LUZP1: variants seen among roughly 807,000 people sequenced by gnomAD.
LUZP1 encodes the protein leucine zipper protein 1.
In LUZP1, 25 loss-of-function variants were observed where a neutral mutation model predicts 71.3. The observed-to-expected ratio is 0.35, with a 90% CI of 0.26 to 0.49. The LOEUF (loss-of-function observed/expected upper bound fraction) is 0.49, where lower values mean the gene tolerates loss of function less well. Among genes scored for constraint, LUZP1 ranks in the 20% least tolerant of loss-of-function variants. The pLI is 0.99. For missense variants in LUZP1, 1,142 were observed against 1,300.8 expected (o/e 0.88, Z 1.88); for synonymous variants, 481 against 506.4 (o/e 0.95, Z 0.67).
At chr1:23,133,918 A>G (rs754957991) in intron 2 of LUZP1, among the ~76,000 whole-genome samples, 1 of 152,332 alleles carries the variant, frequency 6.6e-6, no homozygotes, top group East Asian at 1.9e-4. Flanking sequence ...CAAGAAAACA[A>G]TCAGACAAAT....
intron 2 of LUZP1, among the ~76,000 whole-genome samples, chr1:23,149,960 C>CAAAAA (rs66680455): frequency 4.4e-4 from 33 of 75,756 alleles, no homozygotes; most frequent in East Asian, 7.8e-4. Context: ...GACTCCGTCT[C>CAAAAA]AAAAAAAAAA....
At chr1:23,119,577 C>T (rs1302712936) in intron 2 of LUZP1, among the ~76,000 whole-genome samples, 1 of 152,052 alleles carries the variant, frequency 6.6e-6, no homozygotes, top group Non-Finnish European at 1.5e-5. Flanking sequence ...AGAATAAGCC[C>T]TTCTGAAAAA....
At chr1:23,150,670 A>AAGAAG (rs1644376653) in intron 2 of LUZP1, among the ~76,000 whole-genome samples, 1 of 152,170 alleles carries the variant, frequency 6.6e-6, no homozygotes, top group African/African-American at 2.4e-5. Flanking sequence ...AGTGAAGATG[A>AAGAAG]AGAAGAGTAA....
At chr1:23,142,163 T>A (rs1644308222) in intron 2 of LUZP1, among the ~76,000 whole-genome samples, 1 of 151,890 alleles carries the variant, frequency 6.6e-6, no homozygotes. Flanking sequence ...AGCTAATTTT[T>A]AAAAATACTT....
intron 2 of LUZP1, among the ~76,000 whole-genome samples, chr1:23,144,872 T>C (rs575630872): frequency 3.6e-4 from 55 of 152,100 alleles, no homozygotes; most frequent in Non-Finnish European, 6.8e-4. Flanking sequence ...TCTTTTCATT[T>C]TGGTGGGGGT....
Position 23,162,149 on chromosome 1 carries a change from A to G in LUZP1, c.-226+6617T>C, listed in dbSNP as rs1644472180. Reference sequence around the variant, plus strand: ...AGGAGCCAGACCACAAACAATATATACTATATGATTCAATTTTTACAAAAG... The same window carrying G: ...AGGAGCCAGACCACAAACAATATATGCTATATGATTCAATTTTTACAAAAG... On this transcript the variant is annotated intron_variant, in intron 2 of 4. Transcript: ENST00000302291. Among the ~76,000 whole-genome samples the G allele has an allele frequency of 4.6e-5, 7 of 152,010 alleles. No homozygotes were observed. In the South Asian group the frequency reaches 1.4e-3, roughly 31 times the overall value.
At chr1:23,130,927 C>T (rs1016130633) in intron 2 of LUZP1, among the ~76,000 whole-genome samples, 1 of 151,968 alleles carries the variant, frequency 6.6e-6, no homozygotes, top group African/African-American at 2.4e-5. Flanking sequence ...TAAGGTCTTT[C>T]TACCTGGGGG....
chr1:23,172,180 C>A (rs956350963), intron 1 of LUZP1, among the ~76,000 whole-genome samples: 1 of 152,170 alleles, frequency 6.6e-6, no homozygotes, highest in Non-Finnish European at 1.5e-5. Context: ...CTCATCCTCC[C>A]AGCAAGACCT....
intron 2 of LUZP1, chr1:23,133,330 G>T (rs1644229097): frequency 6.6e-6 from 1 of 152,184 alleles, no homozygotes; most frequent in Non-Finnish European, 1.5e-5. Flanking sequence ...TGTAATAATT[G>T]ATTCAAGCTA....
rs115159227 is a variant in LUZP1 at position 23,103,024 on chromosome 1, T to C, written c.-120+5998A>G. On this transcript the variant is annotated intron_variant, in intron 3 of 4. Transcript: ENST00000302291. Reference sequence around the variant, plus strand: ...ACAGCTCACTGCAGCTTCTACCTTCTAGCCTCAAGCAATCCTCCCACCTTA... The same window carrying C: ...ACAGCTCACTGCAGCTTCTACCTTCCAGCCTCAAGCAATCCTCCCACCTTA... 1.9e-3 allele frequency among the ~76,000 whole-genome samples: 285 copies of C among 152,056 alleles called. 2 individuals are homozygous for C. Among genetic ancestry groups the C allele is most frequent in the African/African-American group, 6.7e-3 (277 of 41,476 alleles).
At chr1:23,162,982 C>T (rs1644480913) in intron 2 of LUZP1, among the ~76,000 whole-genome samples, 1 of 152,038 alleles carries the variant, frequency 6.6e-6, no homozygotes, top group Admixed American at 6.6e-5. Flanking sequence ...TGGCTCACAC[C>T]TGTAATCCCA....
intron 3 of LUZP1, among the ~76,000 whole-genome samples, chr1:23,103,725 T>C (rs1279185571): frequency 6.6e-6 from 1 of 151,354 alleles, no homozygotes; most frequent in African/African-American, 2.4e-5. Flanking sequence ...AGTGTAGTTT[T>C]TTGTGTTTGT....
chr1:23,158,251 A>G (rs757608682), intron 2 of LUZP1, among the ~76,000 whole-genome samples: 3 of 152,230 alleles, frequency 2.0e-5, no homozygotes, highest in Non-Finnish European at 2.9e-5. Context: ...GGTTATTTAT[A>G]TCCACTCATC....
At chr1:23,102,886 CTTTTA>C (rs369677606) in intron 3 of LUZP1, among the ~76,000 whole-genome samples, 38 of 152,184 alleles carry the variant, frequency 2.5e-4, no homozygotes, top group African/African-American at 8.4e-4. Context: ...ATAATAGGAG[CTTTTA>C]TTTTATTTTA....
intron 1 of LUZP1, among the ~76,000 whole-genome samples, chr1:23,175,693 C>T (rs1644578056): frequency 1.3e-5 from 2 of 152,190 alleles, no homozygotes; most frequent in South Asian, 4.1e-4. Flanking sequence ...ATGTGCCAGG[C>T]ACTACACAGA....
intron 2 of LUZP1, among the ~76,000 whole-genome samples, chr1:23,154,308 G>A (rs1054466896): frequency 6.6e-6 from 1 of 151,992 alleles, no homozygotes; most frequent in African/African-American, 2.4e-5. Context: ...ACAGTGGGAG[G>A]ATCATTTGAG....
intron 2 of LUZP1, among the ~76,000 whole-genome samples, chr1:23,163,005 G>T (rs912415319): frequency 2.0e-5 from 3 of 152,108 alleles, no homozygotes; most frequent in Non-Finnish European, 4.4e-5. Flanking sequence ...ACTTTTGGAG[G>T]CCGAGGCAGG....
chr1:23,163,587 G>A (rs1356860897), intron 2 of LUZP1, among the ~76,000 whole-genome samples: 1 of 151,052 alleles, frequency 6.6e-6, no homozygotes. Flanking sequence ...GCTGAGTCTG[G>A]GAAGGAAGTT....
chr1:23,125,676 G>A (rs1446978634), intron 2 of LUZP1, among the ~76,000 whole-genome samples: 3 of 152,160 alleles, frequency 2.0e-5, no homozygotes, highest in Non-Finnish European at 4.4e-5. Flanking sequence ...TAAGGAAAGA[G>A]GACAAAGGTT....
Sources: gnomAD v4.1 joint callset for allele counts (sites outside exome capture counted in the v4.1 genomes callset) on GRCh38, gnomAD v4.1.1 for gene constraint, MANE v1.5 for transcripts, NCBI Gene and HGNC (gene_info 2026-07-23, HGNC 2026-07-21) for gene names.